Variants in ABCA13 observed in about 807,000 individuals in gnomAD.
The protein encoded by ABCA13 is ATP binding cassette subfamily A member 13, also known as ATP-binding cassette sub-family A member 13.
In ABCA13, 476 loss-of-function variants were observed where a neutral mutation model predicts 478.7. The observed-to-expected ratio is 0.99, with a 90% CI of 0.92 to 1.07. The LOEUF (loss-of-function observed/expected upper bound fraction) is 1.07, where lower values mean the gene tolerates loss of function less well. Among genes scored for constraint, ABCA13 ranks in the 50% least tolerant of loss-of-function variants. The pLI is 0.00. For synonymous variants in ABCA13, 2,252 were observed against 2,158.9 expected (o/e 1.04, Z -1.20); for missense variants, 6,060 against 5,910.6 (o/e 1.03, Z -0.83).
rs571014779 is a variant in ABCA13, at chr7:48,191,951, T to C, written c.70-1008T>C. ...ATCTGAAACAGTAAGATATCCTCTT[T>C]GGTGTTTGATGGAGCATTCTTAGCC... On this transcript the variant is annotated intron_variant, in intron 1 of 61. Transcript: ENST00000435803. Among the ~76,000 whole-genome samples, 5 of 152,348 alleles carry C rather than the reference T, an allele frequency of 3.3e-5. No individual in the cohort carries two copies. In the South Asian group the frequency reaches 1.0e-3, roughly 32 times the overall value.
chr7:48,263,403 T>C (rs1794452549), intron 15 of ABCA13, among the ~76,000 whole-genome samples: 1 of 151,960 alleles, frequency 6.6e-6, no homozygotes, highest in East Asian at 1.9e-4. Flanking sequence ...AGTGCAGTTT[T>C]ATGATGCAGA....
Position 48,511,214 on chromosome 7 carries a change from A to G in ABCA13, c.13640+15A>G. ...TCACTTTTCGGGTATGTGATGAGAA[A>G]CGCTGCTGCAGAATTACGGTTTGTT... On this transcript the variant is annotated intron_variant, in intron 51 of 61. Transcript: ENST00000435803. 6.3e-7 allele frequency: 1 copy of G among 1,591,118 alleles called. No homozygotes were observed. Among genetic ancestry groups the G allele is most frequent in the Non-Finnish European group, 8.6e-7 (1 of 1,163,946 alleles).
intron 42 of ABCA13, among the ~76,000 whole-genome samples, chr7:48,443,012 A>G (rs552152460): frequency 6.6e-6 from 1 of 152,314 alleles, no homozygotes; most frequent in Non-Finnish European, 1.5e-5. Flanking sequence ...ATGACATCAA[A>G]TGGGTGGATC....
At chr7:48,494,444 G>C (rs1386425862) in intron 48 of ABCA13, among the ~76,000 whole-genome samples, 1 of 152,152 alleles carries the variant, frequency 6.6e-6, no homozygotes, top group Non-Finnish European at 1.5e-5. Context: ...AGATATTTGA[G>C]AGAGAAGATC....
intron 3 of ABCA13, among the ~76,000 whole-genome samples, chr7:48,212,770 G>A (rs1214070397): frequency 6.6e-6 from 1 of 151,950 alleles, no homozygotes; most frequent in African/African-American, 2.4e-5. Context: ...TTATGCAATT[G>A]ATTTTTTATT....
intron 15 of ABCA13, among the ~76,000 whole-genome samples, chr7:48,267,552 CT>C (rs1418735650): frequency 2.0e-5 from 3 of 152,068 alleles, no homozygotes; most frequent in Non-Finnish European, 4.4e-5. Flanking sequence ...ACAATTGGAT[CT>C]TGTTTTATCC....
intron 16 of ABCA13, among the ~76,000 whole-genome samples, chr7:48,270,862 C>T (rs1795503725): frequency 6.6e-6 from 1 of 152,150 alleles, no homozygotes; most frequent in Non-Finnish European, 1.5e-5. Context: ...ACCCACAATT[C>T]TGAACTCTTA....
intron 43 of ABCA13, among the ~76,000 whole-genome samples, chr7:48,462,318 T>A (rs1216447451): frequency 1.3e-5 from 2 of 151,976 alleles, no homozygotes; most frequent in African/African-American, 4.8e-5. Flanking sequence ...TGAGGGGGAT[T>A]ATTTTTGTAG....
At chr7:48,435,447 A>G (rs1822704682) in intron 42 of ABCA13, among the ~76,000 whole-genome samples, 2 of 151,746 alleles carry the variant, frequency 1.3e-5, no homozygotes, top group African/African-American at 4.8e-5. Context: ...TACATGTAAG[A>G]CTGTCATCTG....
intron 15 of ABCA13, among the ~76,000 whole-genome samples, chr7:48,256,493 C>T (rs1406215915): frequency 6.6e-6 from 1 of 152,002 alleles, no homozygotes; most frequent in Non-Finnish European, 1.5e-5. Context: ...AGAAAGGGAT[C>T]CAGCTTCAAT....
intron 3 of ABCA13, among the ~76,000 whole-genome samples, chr7:48,206,078 C>T (rs1784883932): frequency 6.6e-6 from 1 of 152,136 alleles, no homozygotes; most frequent in Non-Finnish European, 1.5e-5. Context: ...TGCTTTTGGT[C>T]ATCTAGATTA....
intron 4 of ABCA13, among the ~76,000 whole-genome samples, chr7:48,220,343 G>A (rs1046812033): frequency 6.6e-6 from 1 of 152,126 alleles, no homozygotes; most frequent in African/African-American, 2.4e-5. Flanking sequence ...TGTCCCAAGT[G>A]TTACATACTT....
intron 39 of ABCA13, among the ~76,000 whole-genome samples, chr7:48,409,131 T>G (rs1392813941): frequency 6.6e-6 from 1 of 152,196 alleles, no homozygotes; most frequent in East Asian, 1.9e-4. Context: ...TGTTTAGCCT[T>G]CTCTCTTTGA....
At chr7:48,541,290 A>G (rs563576406) in intron 55 of ABCA13, among the ~76,000 whole-genome samples, 2 of 152,262 alleles carry the variant, frequency 1.3e-5, no homozygotes, top group Admixed American at 1.3e-4. Flanking sequence ...AGTTTGTCAC[A>G]GTTGCCACCA....
intron 26 of ABCA13, among the ~76,000 whole-genome samples, chr7:48,316,283 T>G (rs1802565924): frequency 6.6e-6 from 1 of 152,170 alleles, no homozygotes; most frequent in South Asian, 2.1e-4. Context: ...TAAAGACAGT[T>G]CAGTAGTAAC....
At chr7:48,372,142 C>A in intron 32 of ABCA13, 26 bp from the exon 33 acceptor site, 1 of 1,591,016 alleles carries the variant, frequency 6.3e-7, no homozygotes, top group Non-Finnish European at 8.6e-7. Context: ...GCTGTGGTAA[C>A]CTTGGGTTTT....
chr7:48,241,488 T>C (rs1291488653), intron 10 of ABCA13, among the ~76,000 whole-genome samples: 1 of 152,228 alleles, frequency 6.6e-6, no homozygotes, highest in Non-Finnish European at 1.5e-5. Flanking sequence ...AGTTGAAGTG[T>C]TTACATAAGG....
chr7:48,287,040 C>G (rs977234894), intron 19 of ABCA13, among the ~76,000 whole-genome samples: 2 of 151,982 alleles, frequency 1.3e-5, no homozygotes, highest in African/African-American at 2.4e-5. Context: ...ATTTATCGTG[C>G]GGTGGGAGGT....
chr7:48,346,364 A>C (rs1808100370), intron 29 of ABCA13, among the ~76,000 whole-genome samples: 1 of 152,188 alleles, frequency 6.6e-6, no homozygotes, highest in African/African-American at 2.4e-5. Flanking sequence ...TGTTTTATGC[A>C]GTTAAATTGT....
Sources: gnomAD v4.1 joint callset for allele counts (sites outside exome capture counted in the v4.1 genomes callset) on GRCh38, gnomAD v4.1.1 for gene constraint, MANE v1.5 for transcripts, NCBI Gene and HGNC (gene_info 2026-07-23, HGNC 2026-07-21) for gene names.